The following PDZRN4 variants were observed in gnomAD, a reference collection of about 807,000 sequenced individuals.
The protein encoded by PDZRN4 is PDZ domain-containing RING finger protein 4.
PDZRN4 carries 70 observed loss-of-function variants against 99.0 expected under a neutral mutation model. The observed-to-expected ratio is 0.71, with a 90% CI of 0.58 to 0.86. The LOEUF is 0.86. PDZRN4 is among the 40% of genes least tolerant of loss of function. The probability of loss-of-function intolerance (pLI) is 0.00; values close to 1 mark genes in which losing one functional copy is unlikely to be tolerated. For missense variants in PDZRN4, 1,474 were observed against 1,331.2 expected (o/e 1.11, Z -1.67); for synonymous variants, 551 against 501.6 (o/e 1.10, Z -1.32).
intron 3 of PDZRN4, among the ~76,000 whole-genome samples, chr12:41,403,421 G>A (rs187769730): frequency 2.6e-4 from 40 of 152,272 alleles, no homozygotes; most frequent in Non-Finnish European, 5.4e-4. Flanking sequence ...GTGAATATAA[G>A]CTATTTCCAT....
intron 3 of PDZRN4, among the ~76,000 whole-genome samples, chr12:41,336,667 C>T (rs1951777243): frequency 6.6e-6 from 1 of 152,028 alleles, no homozygotes; most frequent in Admixed American, 6.6e-5. Flanking sequence ...TTTATTGTTA[C>T]TCAAATCTGT....
At chr12:41,308,284 A>T (rs371223738) in intron 3 of PDZRN4, among the ~76,000 whole-genome samples, 3 of 152,306 alleles carry the variant, frequency 2.0e-5, no homozygotes, top group South Asian at 4.1e-4. Flanking sequence ...GTCACTAGGT[A>T]CAAGACCCAG....
At chr12:41,362,934 G>C (rs1196807310) in intron 3 of PDZRN4, among the ~76,000 whole-genome samples, 2 of 152,078 alleles carry the variant, frequency 1.3e-5, no homozygotes, top group East Asian at 3.9e-4. Flanking sequence ...ATCTTAGCTT[G>C]TCTATGATGT....
intron 3 of PDZRN4, among the ~76,000 whole-genome samples, chr12:41,211,162 C>T (rs1240380001): frequency 6.6e-6 from 1 of 151,976 alleles, no homozygotes. Context: ...AGTTGCCACA[C>T]AAGGGTACTT....
At chr12:41,441,099 G>T (rs565850640) in intron 3 of PDZRN4, among the ~76,000 whole-genome samples, 1 of 152,178 alleles carries the variant, frequency 6.6e-6, no homozygotes, top group South Asian at 2.1e-4. Flanking sequence ...ATTATTGATG[G>T]GATGTTCGTT....
rs554998146 is a variant in PDZRN4, at chr12:41,355,137, G to A, written c.844-151319G>A. On this transcript the variant is annotated intron_variant, in intron 3 of 9. Coordinates refer to ENST00000402685, the MANE Select transcript of PDZRN4 (RefSeq NM_001164595.2). ...AGTGAAGAGATCGCTGAGGGCCCTT[G>A]GGGAAAGGACTGAGAAATCGGAACT... Among the ~76,000 whole-genome samples, 93 of 152,132 alleles carry A rather than the reference G, an allele frequency of 6.1e-4. 1 individual carries two copies. Among genetic ancestry groups the A allele is most frequent in the Middle Eastern group, 3.4e-3 (1 of 294 alleles).
At chr12:41,286,357 T>G (rs796530017) in intron 3 of PDZRN4, among the ~76,000 whole-genome samples, 101 of 102,180 alleles carry the variant, frequency 9.9e-4, no homozygotes, top group East Asian at 1.7e-3. Context: ...TTTTTTTTTT[T>G]TTGTTGTTGT....
At chr12:41,527,958 G>A (rs191344065) in intron 5 of PDZRN4, among the ~76,000 whole-genome samples, 18 of 152,312 alleles carry the variant, frequency 1.2e-4, no homozygotes, top group Admixed American at 6.5e-4. Context: ...AAGTGCAGGA[G>A]GAGGATAAAG....
At chr12:41,255,238 G>A (rs1454210851) in intron 3 of PDZRN4, among the ~76,000 whole-genome samples, 1 of 152,044 alleles carries the variant, frequency 6.6e-6, no homozygotes, top group Admixed American at 6.6e-5. Context: ...AGGCGCAAGT[G>A]ATCAACAGGG....
intron 3 of PDZRN4, among the ~76,000 whole-genome samples, chr12:41,438,440 TGTTA>T (rs1952650525): frequency 6.6e-6 from 1 of 152,220 alleles, no homozygotes; most frequent in South Asian, 2.1e-4. Context: ...TGCCAAATCC[TGTTA>T]GCCATAGGAA....
intron 3 of PDZRN4, among the ~76,000 whole-genome samples, chr12:41,495,620 C>T (rs1318993641): frequency 1.3e-5 from 2 of 152,078 alleles, no homozygotes; most frequent in East Asian, 1.9e-4. Context: ...TTATGTCTCA[C>T]CACAGCCTTC....
intron 3 of PDZRN4, among the ~76,000 whole-genome samples, chr12:41,398,311 G>T (rs1320914887): frequency 6.6e-6 from 1 of 152,042 alleles, no homozygotes; most frequent in Non-Finnish European, 1.5e-5. Flanking sequence ...ATAACTGAAG[G>T]TGACTGGGAA....
At chr12:41,382,044 TCTGCATTCAGGCTTGG>T (rs1473539944) in intron 3 of PDZRN4, among the ~76,000 whole-genome samples, 1 of 152,132 alleles carries the variant, frequency 6.6e-6, no homozygotes, top group African/African-American at 2.4e-5. Context: ...CTGGATGAGC[TCTGCATTCAGGCTTGG>T]CTCCACAATC....
intron 3 of PDZRN4, among the ~76,000 whole-genome samples, chr12:41,431,871 C>T (rs1952589110): frequency 6.6e-6 from 1 of 152,178 alleles, no homozygotes; most frequent in South Asian, 2.1e-4. Context: ...GCAGAAGCAT[C>T]TTTCTAAATT....
intron 3 of PDZRN4, among the ~76,000 whole-genome samples, chr12:41,365,731 C>T (rs889620653): frequency 3.9e-5 from 6 of 152,092 alleles, no homozygotes; most frequent in Admixed American, 1.3e-4. Flanking sequence ...ACAACTTTTA[C>T]ATCCTTCAGA....
intron 3 of PDZRN4, among the ~76,000 whole-genome samples, chr12:41,475,219 A>G (rs1953029446): frequency 6.6e-6 from 1 of 152,204 alleles, no homozygotes; most frequent in South Asian, 2.1e-4. Context: ...TTATCTAGAT[A>G]GTTAATAATA....
chr12:41,559,888 T>C lies in PDZRN4; in HGVS notation c.1366-3660T>C, dbSNP rs564767887. On this transcript the variant is annotated intron_variant, in intron 7 of 9. Coordinates refer to ENST00000402685, the MANE Select transcript of PDZRN4 (RefSeq NM_001164595.2). ...CTGATGGTTTTATAATGGGCTTTTTTCCCTTTGCTCAGCACTCATTCTCTC... is the reference window on the plus strand; with the variant it reads ...CTGATGGTTTTATAATGGGCTTTTTCCCCTTTGCTCAGCACTCATTCTCTC... Among the ~76,000 whole-genome samples the C allele has an allele frequency of 1.1e-4, 17 of 152,246 alleles. No homozygotes were observed. The East Asian group carries it at 2.9e-3, about 26-fold the overall frequency.
intron 3 of PDZRN4, among the ~76,000 whole-genome samples, chr12:41,311,023 AAC>A (rs1951603397): frequency 1.3e-5 from 2 of 152,172 alleles, no homozygotes; most frequent in Non-Finnish European, 2.9e-5. Context: ...CACAGATAAC[AAC>A]TATTAAAAAA....
intron 3 of PDZRN4, among the ~76,000 whole-genome samples, chr12:41,301,969 A>G (rs1481720745): frequency 1.3e-5 from 2 of 152,098 alleles, no homozygotes; most frequent in Non-Finnish European, 2.9e-5. Flanking sequence ...AGCATTTTAA[A>G]TATCCATCCC....
Sources: allele counts gnomAD v4.1 joint callset (sites outside exome capture counted in the v4.1 genomes callset), GRCh38; gene constraint gnomAD v4.1.1; transcripts MANE v1.5; gene names NCBI Gene and HGNC (gene_info 2026-07-23, HGNC 2026-07-21).